The following DHRSX variants were observed in gnomAD, a reference collection of about 807,000 sequenced individuals.
The protein encoded by DHRSX is polyprenol dehydrogenase.
In DHRSX, 31 loss-of-function variants were observed where a neutral mutation model predicts 34.0. That is an observed-to-expected ratio of 0.91 (90% CI 0.69 to 1.23). The LOEUF (loss-of-function observed/expected upper bound fraction) is 1.23. Among genes scored for constraint, DHRSX ranks in the 50% most tolerant of loss-of-function variants. The pLI is 0.00. For missense variants in DHRSX, 414 were observed against 428.1 expected (o/e 0.97, Z 0.29); for synonymous variants, 201 against 183.8 (o/e 1.09, Z -0.76).
intron 3 of DHRSX, among the ~76,000 whole-genome samples, chrX:2,325,411 A>G (rs771928227): frequency 6.7e-6 from 1 of 149,486 alleles, no homozygotes; most frequent in African/African-American, 2.5e-5. Context: ...ACACATTCAA[A>G]ACGGCGGCTC....
intron 1 of DHRSX, among the ~76,000 whole-genome samples, chrX:2,452,593 T>C (rs768652611): frequency 6.6e-6 from 1 of 151,776 alleles, no homozygotes; most frequent in Admixed American, 6.6e-5. Context: ...CCTAAGCATG[T>C]GGCCAATGGA....
chrX:2,348,695 T>TA (rs1370035485), intron 3 of DHRSX, among the ~76,000 whole-genome samples: 2 of 150,388 alleles, frequency 1.3e-5, no homozygotes, highest in South Asian at 2.1e-4. Context: ...TATTTTTATT[T>TA]TTTTTTTTTT....
At chrX:2,299,125 T>C (rs1408826473) in intron 3 of DHRSX, among the ~76,000 whole-genome samples, 1 of 152,138 alleles carries the variant, frequency 6.6e-6, no homozygotes. Context: ...AGATGCTCCA[T>C]TTAATGCAAC....
At chrX:2,465,994 C>T (rs1479013388) in intron 1 of DHRSX, among the ~76,000 whole-genome samples, 1 of 152,120 alleles carries the variant, frequency 6.6e-6, no homozygotes, top group African/African-American at 2.4e-5. Flanking sequence ...AAACGCCATT[C>T]CAATAGAAAA....
At chrX:2,495,387 A>T (rs982634607) in intron 1 of DHRSX, among the ~76,000 whole-genome samples, 1 of 151,950 alleles carries the variant, frequency 6.6e-6, no homozygotes, top group African/African-American at 2.4e-5. Flanking sequence ...TATTTAGGTG[A>T]ACAAAGGTTT....
At chrX:2,485,379 C>T (rs1201762736) in intron 1 of DHRSX, among the ~76,000 whole-genome samples, 1 of 151,494 alleles carries the variant, frequency 6.6e-6, no homozygotes, top group African/African-American at 2.4e-5. Context: ...CAAGGACAGG[C>T]AGTCAACCAA....
At chrX:2,446,203 G>A (rs1194304458) in intron 1 of DHRSX, among the ~76,000 whole-genome samples, 2 of 151,544 alleles carry the variant, frequency 1.3e-5, no homozygotes, top group Non-Finnish European at 2.9e-5. Flanking sequence ...AGGGACTGCC[G>A]CCATGTACAC....
chrX:2,373,490 G>C (rs111592033), intron 3 of DHRSX, among the ~76,000 whole-genome samples: 2 of 152,142 alleles, frequency 1.3e-5, no homozygotes, highest in Non-Finnish European at 2.9e-5. Flanking sequence ...GCCAGAATTA[G>C]GGGGTCTCTA....
chrX:2,355,897 C>T (rs2042844885), intron 3 of DHRSX, among the ~76,000 whole-genome samples: 1 of 151,584 alleles, frequency 6.6e-6, no homozygotes, highest in Non-Finnish European at 1.5e-5. Context: ...AAAACCCCAT[C>T]TCTACTAAAA....
At chrX:2,484,313 G>C (rs2044824891) in intron 1 of DHRSX, among the ~76,000 whole-genome samples, 1 of 152,164 alleles carries the variant, frequency 6.6e-6, no homozygotes, top group Non-Finnish European at 1.5e-5. Context: ...AAGTTGTTGA[G>C]AGACAGAGAA....
chrX:2,421,304 C>T (rs2043776378), intron 2 of DHRSX, among the ~76,000 whole-genome samples: 1 of 152,080 alleles, frequency 6.6e-6, no homozygotes, highest in Non-Finnish European at 1.5e-5. Flanking sequence ...CGCTTGAGCC[C>T]AGGAGGCAGA....
intron 1 of DHRSX, among the ~76,000 whole-genome samples, chrX:2,472,568 G>T (rs1424302863): frequency 6.6e-6 from 1 of 151,964 alleles, no homozygotes; most frequent in Non-Finnish European, 1.5e-5. Context: ...CCAGGAGTTC[G>T]AGACCACCCT....
intron 3 of DHRSX, among the ~76,000 whole-genome samples, chrX:2,353,433 A>G (rs1192348612): frequency 1.3e-5 from 2 of 152,156 alleles, no homozygotes; most frequent in African/African-American, 4.8e-5. Context: ...TTATTATCCT[A>G]GTGAGACCCA....
intron 1 of DHRSX, among the ~76,000 whole-genome samples, chrX:2,482,667 A>G (rs1465174636): frequency 6.6e-6 from 1 of 152,236 alleles, no homozygotes; most frequent in Non-Finnish European, 1.5e-5. Context: ...AAACCTAAAC[A>G]TAATTCTTAG....
intron 5 of DHRSX, among the ~76,000 whole-genome samples, chrX:2,248,713 C>T (rs931378599): frequency 3.9e-5 from 6 of 151,918 alleles, no homozygotes; most frequent in African/African-American, 1.2e-4. Flanking sequence ...TTCTACGACC[C>T]CCTTCCCAGA....
intron 1 of DHRSX, among the ~76,000 whole-genome samples, chrX:2,434,926 T>C (rs1020027744): frequency 1.3e-5 from 2 of 152,180 alleles, no homozygotes; most frequent in South Asian, 2.1e-4. Context: ...GGGAATTCTA[T>C]TGAGTGAAGG....
At chrX:2,468,761 C>T (rs2044538898) in intron 1 of DHRSX, among the ~76,000 whole-genome samples, 1 of 151,588 alleles carries the variant, frequency 6.6e-6, no homozygotes, top group African/African-American at 2.4e-5. Flanking sequence ...AAGGGACCAC[C>T]ACCGTGTACA....
chrX:2,241,955 T>C (rs1440081304), intron 6 of DHRSX, among the ~76,000 whole-genome samples: 1 of 151,966 alleles, frequency 6.6e-6, no homozygotes, highest in Non-Finnish European at 1.5e-5. Flanking sequence ...ACATTATCTG[T>C]TTTCGGGCCA....
intron 3 of DHRSX, among the ~76,000 whole-genome samples, chrX:2,322,555 CAAA>C (rs752649879): frequency 1.5e-4 from 19 of 123,166 alleles, no homozygotes; most frequent in Admixed American, 3.5e-4. Flanking sequence ...AACTCCATCT[CAAA>C]AAAAAAAAAA....
Sources: gnomAD v4.1 joint callset for allele counts (sites outside exome capture counted in the v4.1 genomes callset) on GRCh38, gnomAD v4.1.1 for gene constraint, MANE v1.5 for transcripts, NCBI Gene and HGNC (gene_info 2026-07-23, HGNC 2026-07-21) for gene names.